PCCA: variants seen among roughly 807,000 people sequenced by gnomAD.
PCCA encodes propionyl-CoA carboxylase alpha chain, mitochondrial.
A neutral mutation model predicts 101.3 loss-of-function variants in PCCA; 74 were observed. That is an observed-to-expected ratio of 0.73 (90% CI 0.61 to 0.89). The LOEUF is 0.89. Among genes scored for constraint, PCCA ranks in the 40% least tolerant of loss-of-function variants. PCCA has a pLI of 0.00. For synonymous variants in PCCA, 294 were observed against 313.6 expected (o/e 0.94, Z 0.66); for missense variants, 891 against 907.0 (o/e 0.98, Z 0.23).
rs2057947504 is a variant in PCCA, at chr13:100,194,252, G to A, written c.469-15080G>A. Among the ~76,000 whole-genome samples, 3 of 152,048 alleles carry A rather than the reference G, an allele frequency of 2.0e-5. No individual in the cohort carries two copies. The South Asian group carries it at 6.2e-4, about 32-fold the overall frequency. On this transcript the variant is annotated intron_variant, in intron 6 of 23. Coordinates refer to ENST00000376285, the MANE Select transcript of PCCA (RefSeq NM_000282.4). ...TGACTCTTATTTCTATCCAGCAATG[G>A]GATCAAAAACTTGATGCATTTCAGA...
intron 19 of PCCA, among the ~76,000 whole-genome samples, chr13:100,418,460 T>A (rs1397612745): frequency 6.6e-6 from 1 of 152,220 alleles, no homozygotes; most frequent in African/African-American, 2.4e-5. Context: ...TGAATGTCCC[T>A]CTTCTCTATA....
chr13:100,319,858 C>A (rs574929307), intron 16 of PCCA, among the ~76,000 whole-genome samples: 2 of 152,100 alleles, frequency 1.3e-5, no homozygotes, highest in East Asian at 1.9e-4. Flanking sequence ...AGATCCAATT[C>A]TGTGAAGAAA....
rs1594159960 is a variant in PCCA, at chr13:100,527,590, C to CAAAG, written c.2041-82_2041-79dup. 1.2e-5 allele frequency: 11 copies of CAAAG among 916,802 alleles called. No homozygotes were observed. In the East Asian group the frequency reaches 2.6e-4, roughly 22 times the overall value. The allele number at this position is 916,802 out of a possible 1,614,324, so 56.8% of individuals were successfully genotyped here. A position where few individuals can be genotyped will look rare whatever the true frequency, so the allele number is the denominator to read the frequency against. ...TAGACACATATTTTGGGGCATTTGACAAAGAATTTCTTAATGGCTTCATTC... is the reference window on the plus strand; with the variant it reads ...TAGACACATATTTTGGGGCATTTGACAAAGAAAGAATTTCTTAATGGCTTCATTC... On this transcript the variant is annotated intron_variant, in intron 22 of 23. Transcript: ENST00000376285.
intron 19 of PCCA, among the ~76,000 whole-genome samples, chr13:100,404,131 T>C (rs1261857554): frequency 6.6e-6 from 1 of 152,188 alleles, no homozygotes; most frequent in Non-Finnish European, 1.5e-5. Context: ...TGGAGTTTGA[T>C]GGCCTGAAGG....
In PCCA at chr13:100,257,628, G is replaced by GT. The variant is rs1164986524; in HGVS notation, c.672dup (p.Gly225TrpfsTer11). ...GTCATGATCAAGGCCTCAGCAGGTG[G>GT]TGGTGGGAAAGGCATGCGCATTGCT... is the stretch of plus-strand genomic sequence containing the variant. On this transcript the variant is annotated frameshift_variant, in exon 9 of 24. Transcript: ENST00000376285. LOFTEE classifies it high-confidence loss of function. 5.0e-6 allele frequency: 8 copies of GT among 1,613,956 alleles called. No individual in the cohort carries two copies. Among genetic ancestry groups the GT allele is most frequent in the Non-Finnish European group, 5.9e-6 (7 of 1,179,914 alleles).
Position 100,273,139 on chromosome 13 carries a change from C to T in PCCA, c.915-57C>T, listed in dbSNP as rs2063411669. The T allele has an allele frequency of 1.6e-5, 22 of 1,373,640 alleles. No individual in the cohort carries two copies. In the East Asian group the frequency reaches 5.0e-4, roughly 31 times the overall value. 85.1% of individuals were successfully genotyped at this position (1,373,640 alleles called of 1,614,324 possible). ...TAAGAAAATGTTTATGTAATGCACA[C>T]AAAAGATAACTTGATTTTTGTCCGA... On this transcript the variant is annotated intron_variant, in intron 11 of 23. Coordinates refer to ENST00000376285, the MANE Select transcript of PCCA (RefSeq NM_000282.4).
In PCCA at chr13:100,117,766, GTA is replaced by G. The variant is rs757074033; in HGVS notation, c.300+5717_300+5718del. 3.3e-5 allele frequency among the ~76,000 whole-genome samples: 5 copies of G among 150,840 alleles called. No individual in the cohort carries two copies. In the East Asian group the frequency reaches 5.9e-4, roughly 18 times the overall value. ...GTGCACATGTACCCTAGAACTTAAA[GTA>G]TATATATATATGTAAAAAAAGCAGC... On this transcript the variant is annotated intron_variant, in intron 4 of 23. Transcript: ENST00000376285.
chr13:100,242,334 A>G (rs913395698), intron 8 of PCCA, among the ~76,000 whole-genome samples: 6 of 152,224 alleles, frequency 3.9e-5, no homozygotes, highest in African/African-American at 9.6e-5. Context: ...GGCATTTTAT[A>G]TTGATTAACA....
At chr13:100,396,355 TA>T (rs567198051) in intron 19 of PCCA, among the ~76,000 whole-genome samples, 23 of 152,324 alleles carry the variant, frequency 1.5e-4, no homozygotes, top group African/African-American at 4.6e-4. Flanking sequence ...AGGGTTTTTG[TA>T]AAAATTAAAT....
intron 21 of PCCA, among the ~76,000 whole-genome samples, chr13:100,498,654 C>G (rs2085448010): frequency 6.6e-6 from 1 of 152,148 alleles, no homozygotes; most frequent in Non-Finnish European, 1.5e-5. Flanking sequence ...TGATCACTCC[C>G]TATTCCCCCA....
intron 18 of PCCA, among the ~76,000 whole-genome samples, chr13:100,346,475 T>G (rs1285822479): frequency 6.6e-6 from 1 of 152,202 alleles, no homozygotes; most frequent in African/African-American, 2.4e-5. Context: ...AGTTGCTTCT[T>G]ATGGATGAGC....
intron 4 of PCCA, among the ~76,000 whole-genome samples, chr13:100,138,108 T>C (rs751661067): frequency 1.3e-5 from 2 of 152,194 alleles, no homozygotes; most frequent in Non-Finnish European, 2.9e-5. Flanking sequence ...TTAATGTAGT[T>C]ATTGAAATGT....
intron 4 of PCCA, among the ~76,000 whole-genome samples, chr13:100,153,699 G>T (rs78970419): frequency 0.017 from 2,644 of 152,204 alleles, 84 homozygotes; most frequent in African/African-American, 0.061. Context: ...CCACGAGGAA[G>T]GCCTTGCTTT....
At chr13:100,199,399 G>A (rs1431103472) in intron 6 of PCCA, among the ~76,000 whole-genome samples, 1 of 152,044 alleles carries the variant, frequency 6.6e-6, no homozygotes, top group Non-Finnish European at 1.5e-5. Flanking sequence ...ATCTTAGTCT[G>A]TAGGCTCCTC....
chr13:100,472,122 G>A lies in PCCA; in HGVS notation c.1899+22817G>A, dbSNP rs1161457591. 3.3e-5 allele frequency among the ~76,000 whole-genome samples: 5 copies of A among 152,290 alleles called. 1 individual carries two copies. In the East Asian group the frequency reaches 9.7e-4, roughly 29 times the overall value. ...GGGGCTGCGTTCCCTATTTCTGTAAGCGCGAATTCCTGGCGGCTCCACCCG... is the reference window on the plus strand; with the variant it reads ...GGGGCTGCGTTCCCTATTTCTGTAAACGCGAATTCCTGGCGGCTCCACCCG... On this transcript the variant is annotated intron_variant, in intron 21 of 23. Coordinates refer to ENST00000376285, the MANE Select transcript of PCCA (RefSeq NM_000282.4).
chr13:100,103,328 T>TC (rs2047444590), intron 2 of PCCA, among the ~76,000 whole-genome samples: 1 of 151,980 alleles, frequency 6.6e-6, no homozygotes, highest in Non-Finnish European at 1.5e-5. Flanking sequence ...TTTTTTTTTT[T>TC]TGAGATGGAG....
At chr13:100,443,369 C>T (rs1037180659) in intron 20 of PCCA, among the ~76,000 whole-genome samples, 1 of 151,266 alleles carries the variant, frequency 6.6e-6, no homozygotes, top group Non-Finnish European at 1.5e-5. Context: ...GTGGGAGAAT[C>T]GCTGGAGTCC....
At chr13:100,474,576 C>T (rs998917563) in intron 21 of PCCA, among the ~76,000 whole-genome samples, 4 of 152,102 alleles carry the variant, frequency 2.6e-5, no homozygotes, top group African/African-American at 9.7e-5. Context: ...GCCTCGACCT[C>T]CTGGGCTCAA....
chr13:100,175,898 C>T (rs2152422367), intron 6 of PCCA, among the ~76,000 whole-genome samples: 1 of 152,270 alleles, frequency 6.6e-6, no homozygotes, highest in African/African-American at 2.4e-5. Context: ...ATTCTTTTTT[C>T]ATGGCAGACT....
Sources: gnomAD v4.1 joint callset for allele counts (sites outside exome capture counted in the v4.1 genomes callset) on GRCh38, gnomAD v4.1.1 for gene constraint, MANE v1.5 for transcripts, NCBI Gene and HGNC (gene_info 2026-07-23, HGNC 2026-07-21) for gene names.